DNAH17: variants seen among roughly 807,000 people sequenced by gnomAD.
DNAH17 encodes dynein axonemal heavy chain 17, also known as axonemal beta dynein heavy chain 17.
DNAH17 carries 376 observed loss-of-function variants against 485.6 expected under a neutral mutation model. That is an observed-to-expected ratio of 0.77 (90% CI 0.71 to 0.84). The LOEUF (loss-of-function observed/expected upper bound fraction) is 0.84, where lower values mean the gene tolerates loss of function less well. Among genes scored for constraint, DNAH17 ranks in the 40% least tolerant of loss-of-function variants. The pLI is 0.00. For synonymous variants in DNAH17, 3,031 were observed against 2,405.9 expected (o/e 1.26, Z -7.60); for missense variants, 6,370 against 5,839.3 (o/e 1.09, Z -2.96).
Position 78,507,315 on chromosome 17 carries a change from G to A in DNAH17, c.4639C>T (p.Pro1547Ser), listed in dbSNP as rs61737666. 793 of 1,614,014 alleles carry A rather than the reference G, an allele frequency of 4.9e-4. 1 individual carries two copies. Among genetic ancestry groups the A allele is most frequent in the Non-Finnish European group, 6.2e-4 (736 of 1,179,898 alleles). ...TPNVVEATSKPGLYNKLEALK... is the reference protein window; with the variant it reads ...TPNVVEATSKSGLYNKLEALK... The stretch of plus-strand genomic sequence containing the variant: ...GCCTCCAGTTTATTGTAGAGGCCGG[G>A]TTTGCTGGTGGCTTCCACCACGTTG... Residue 1547 changes from proline (P) to serine (S), a missense_variant, in exon 29 of 81, where the codon CCC (proline) becomes TCC (serine). By Grantham distance (74) the Pro-to-Ser change is moderately conservative. Coordinates refer to ENST00000389840, the MANE Select transcript of DNAH17 (RefSeq NM_173628.4).
intron 18 of DNAH17, among the ~76,000 whole-genome samples, chr17:78,538,401 T>C (rs2091435229): frequency 6.6e-6 from 1 of 152,146 alleles, no homozygotes; most frequent in African/African-American, 2.4e-5. Flanking sequence ...ATTCTCAAAA[T>C]GTGGGCCAGG....
chr17:78,513,009 G>A (rs1184284399), intron 26 of DNAH17, among the ~76,000 whole-genome samples: 1 of 150,418 alleles, frequency 6.6e-6, no homozygotes, highest in Non-Finnish European at 1.5e-5. Context: ...CCAGAGGAAG[G>A]GGAGGAATCT....
chr17:78,546,435 G>A (rs1456029556), intron 16 of DNAH17, among the ~76,000 whole-genome samples: 7 of 152,022 alleles, frequency 4.6e-5, no homozygotes, highest in Admixed American at 1.3e-4. Context: ...TTGTTATCAC[G>A]TTTTATCCTT....
At chr17:78,534,962 C>T (rs1261652196) in intron 19 of DNAH17, among the ~76,000 whole-genome samples, 2 of 152,182 alleles carry the variant, frequency 1.3e-5, no homozygotes, top group East Asian at 3.8e-4. Flanking sequence ...CCCTGGGACC[C>T]AGCAGTCTAG....
intron 71 of DNAH17, among the ~76,000 whole-genome samples, chr17:78,442,382 T>C (rs1598454834): frequency 1.3e-5 from 2 of 152,218 alleles, no homozygotes; most frequent in African/African-American, 4.8e-5. Flanking sequence ...TTGTCTCTGG[T>C]GTCCTGAACT....
At chr17:78,447,194 T>C (rs1202866913) in intron 69 of DNAH17, among the ~76,000 whole-genome samples, 1 of 152,104 alleles carries the variant, frequency 6.6e-6, no homozygotes. Context: ...CCCAAAGTGT[T>C]GGGATACTAG....
In DNAH17 at chr17:78,427,023, G is replaced by A. The variant is rs1407483600; in HGVS notation, c.12674C>T (p.Thr4225Ile). Reference sequence around the variant, plus strand: ...TTGAAAGGCGACTACCACGTAGGGGGTCTTTTCCGCTGCCTTTGCCATGAT... The same window carrying A: ...TTGAAAGGCGACTACCACGTAGGGGATCTTTTCCGCTGCCTTTGCCATGAT... ...AEIMAKAAEK[T>I]PYVVVAFQEC... Residue 4225 changes from threonine (T) to isoleucine (I), a missense_variant, in exon 78 of 81, where the codon ACC (threonine) becomes ATC (isoleucine). Transcript: ENST00000389840. 6.2e-6 allele frequency: 10 copies of A among 1,607,594 alleles called. No individual in the cohort carries two copies. Among genetic ancestry groups the A allele is most frequent in the South Asian group, 4.5e-5 (4 of 89,648 alleles).
chr17:78,514,519 A>G (rs919208159), intron 26 of DNAH17, among the ~76,000 whole-genome samples: 2 of 150,902 alleles, frequency 1.3e-5, no homozygotes, highest in African/African-American at 4.9e-5. Context: ...AAAAAAAAAA[A>G]AAAGAAAAAG....
chr17:78,437,711 A>G lies in DNAH17; in HGVS notation c.11963T>C (p.Ile3988Thr). 1 of 1,612,232 alleles carries G rather than the reference A, an allele frequency of 6.2e-7. No individual in the cohort carries two copies. Among genetic ancestry groups the G allele is most frequent in the Non-Finnish European group, 8.5e-7 (1 of 1,179,684 alleles). The change falls in exon 74 of 81, where the codon ATC (isoleucine) becomes ACC (threonine). Residue 3988 changes from isoleucine (I) to threonine (T), a missense_variant. Physicochemically the swap from Ile to Thr is moderately conservative, Grantham distance 89. Coordinates refer to ENST00000389840, the MANE Select transcript of DNAH17 (RefSeq NM_173628.4). ...IIPQGILENAIKITNEPPTGM... is the reference protein window; with the variant it reads ...IIPQGILENATKITNEPPTGM... ...CGTGGGGGGCTCGTTGGTGATCTTG[A>G]TGGCGTTCTCCAGAATGCCCTGGGG...
At chr17:78,572,994 G>A in intron 2 of DNAH17, 100 bp from the exon 3 acceptor site, 1 of 1,084,046 alleles carries the variant, frequency 9.2e-7, no homozygotes, top group Middle Eastern at 3.0e-4. Context: ...CCCGGTGTCT[G>A]GAGCCCTGGG....
chr17:78,440,270 T>C lies in DNAH17; in HGVS notation c.11677+781A>G, dbSNP rs1011804901. On this transcript the variant is annotated intron_variant, in intron 72 of 80. Transcript: ENST00000389840. ...TTTTTTTTTTTTTTTTTTTTTTTTT[T>C]TTTTGAGACAGGGTCTTACTCGGTC... Among the ~76,000 whole-genome samples, 311 of 143,244 alleles carry C rather than the reference T, an allele frequency of 2.2e-3. 1 individual carries two copies. The highest frequency in any genetic ancestry group is 7.5e-3 in the African/African-American group (283 of 37,516). 94.0% of individuals were successfully genotyped at this position (143,244 alleles called of 152,430 possible). A position where few individuals can be genotyped will look rare whatever the true frequency, so the allele number is the denominator to read the frequency against.
intron 25 of DNAH17, among the ~76,000 whole-genome samples, chr17:78,523,612 A>T (rs80149827): frequency 0.061 from 9,250 of 152,362 alleles, 385 homozygotes; most frequent in South Asian, 0.13. Flanking sequence ...ATAGATGTCA[A>T]ATAAGCCCAT....
At chr17:78,428,803 C>T in intron 76 of DNAH17, 96 bp from the exon 77 acceptor site, 2 of 1,429,612 alleles carry the variant, frequency 1.4e-6, no homozygotes, top group Non-Finnish European at 1.9e-6. Context: ...CGTTCACCCA[C>T]ACCTTGCTGT....
chr17:78,486,423 G>A lies in DNAH17; in HGVS notation c.6902C>T (p.Thr2301Met), dbSNP rs779872672. The A allele has an allele frequency of 3.7e-6, 6 of 1,613,650 alleles. No individual in the cohort carries two copies. Among genetic ancestry groups the A allele is most frequent in the African/African-American group, 2.7e-5 (2 of 74,914 alleles). ...LMILFDKYLP[T>M]CLDKLRFGFK... Reference sequence around the variant, plus strand: ...CCCAAAGCGCAACTTGTCCAGGCACGTGGGCAGGTACTTGTCAAAGAGGAT... The same window carrying A: ...CCCAAAGCGCAACTTGTCCAGGCACATGGGCAGGTACTTGTCAAAGAGGAT... The change falls in exon 45 of 81, where the codon ACG becomes ATG. Residue 2301 changes from threonine (T) to methionine (M), a missense_variant. Physicochemically the swap from Thr to Met is moderately conservative, Grantham distance 81. Coordinates refer to ENST00000389840, the MANE Select transcript of DNAH17 (RefSeq NM_173628.4).
intron 51 of DNAH17, among the ~76,000 whole-genome samples, chr17:78,477,599 G>C (rs552286460): frequency 5.3e-5 from 8 of 152,014 alleles, no homozygotes; most frequent in African/African-American, 1.7e-4. Flanking sequence ...GGCTGGTCTC[G>C]AACTCCTGAC....
Position 78,539,809 on chromosome 17 carries a change from G to A in DNAH17, c.2604C>T (p.Asp868=). 2 of 1,612,066 alleles carry A rather than the reference G, an allele frequency of 1.2e-6. No individual in the cohort carries two copies. The highest frequency in any genetic ancestry group is 2.2e-5 in the East Asian group (1 of 44,864). ...PWKDYVIYID[D]MVLDEFDQFI... Reference sequence around the variant, plus strand: ...ACTGGTCAAATTCATCTAAGACCATGTCGTCAATGTAGATGACATAATCCT... The same window carrying A: ...ACTGGTCAAATTCATCTAAGACCATATCGTCAATGTAGATGACATAATCCT... The change falls in exon 18 of 81, where the codon GAC becomes GAT. Residue 868 remains aspartate, a synonymous_variant. Transcript: ENST00000389840.
Position 78,423,779 on chromosome 17 carries a change from G to C in DNAH17, c.*127C>G. The C allele has an allele frequency of 7.9e-7, 1 of 1,266,516 alleles. No individual in the cohort carries two copies. The highest frequency in any genetic ancestry group is 1.1e-6 in the Non-Finnish European group (1 of 907,900). 78.5% of individuals were successfully genotyped at this position (1,266,516 alleles called of 1,614,324 possible). ...TGGTTCCGATGTGCTTGGTTACAAA[G>C]CACCTGATTATTTAAGAGAACGAAA... On this transcript the variant is annotated 3_prime_UTR_variant, in exon 81 of 81. Transcript: ENST00000389840.
chr17:78,502,993 G>A lies in DNAH17; in HGVS notation c.4975C>T (p.Arg1659Ter), dbSNP rs771932003. 15 of 1,613,552 alleles carry A rather than the reference G, an allele frequency of 9.3e-6. No individual in the cohort carries two copies. The highest frequency in any genetic ancestry group is 6.7e-5 in the Admixed American group (4 of 59,946). Residue 1659 changes from arginine to a stop codon, truncating the protein, a stop_gained, in exon 32 of 81, where the codon CGA becomes TGA. Coordinates refer to ENST00000389840, the MANE Select transcript of DNAH17 (RefSeq NM_173628.4). LOFTEE classifies it high-confidence loss of function. ...GTAGAGCACATTCGGTCCAGCACTC[G>A]ATTCAGCCACACTTCCACCTGGGGA... ...LSGQVEVWLN[R>*]VLDRMCSTLR...
chr17:78,497,489 G>A (rs920861), intron 37 of DNAH17, among the ~76,000 whole-genome samples: 10,521 of 152,232 alleles, frequency 0.069, 522 homozygotes, highest in African/African-American at 0.13. Context: ...ATTGGAGCCC[G>A]TGAACATTCA....
Sources: gnomAD v4.1 joint callset for allele counts (sites outside exome capture counted in the v4.1 genomes callset) on GRCh38, gnomAD v4.1.1 for gene constraint, MANE v1.5 for transcripts, NCBI Gene and HGNC (gene_info 2026-07-23, HGNC 2026-07-21) for gene names.